MAML2: variants seen among roughly 807,000 people sequenced by gnomAD.
The protein encoded by MAML2 is mastermind like transcriptional coactivator 2, also known as mastermind-like protein 2.
Under a neutral mutation model 96.1 loss-of-function variants are expected in MAML2, and 22 were observed. That is an observed-to-expected ratio of 0.23 (90% CI 0.16 to 0.33). The LOEUF (loss-of-function observed/expected upper bound fraction) is 0.33. MAML2 is among the 10% of genes least tolerant of loss of function. The pLI, the probability that MAML2 is intolerant of heterozygous loss-of-function variation, is 1.00. For missense variants in MAML2, 1,367 were observed against 1,392.4 expected, an observed-to-expected ratio of 0.98 and a Z score of 0.29; for synonymous variants, 561 against 521.3, an observed-to-expected ratio of 1.08 and a Z score of -1.04.
chr11:96,005,348 C>T (rs547335156), intron 2 of MAML2, among the ~76,000 whole-genome samples: 12 of 152,238 alleles, frequency 7.9e-5, no homozygotes, highest in Middle Eastern at 6.8e-3. Flanking sequence ...TCAGTCTTCC[C>T]TTATGACTTC....
chr11:96,201,833 G>A (rs1302954780), intron 1 of MAML2, among the ~76,000 whole-genome samples: 2 of 151,714 alleles, frequency 1.3e-5, no homozygotes, highest in African/African-American at 4.8e-5. Flanking sequence ...GCAGGAGAGT[G>A]GCGTGAACCT....
chr11:96,188,291 T>C (rs1038545769), intron 1 of MAML2, among the ~76,000 whole-genome samples: 6 of 152,244 alleles, frequency 3.9e-5, no homozygotes, highest in African/African-American at 9.6e-5. Flanking sequence ...CTATAACCTT[T>C]CTAATTTCAG....
chr11:96,102,170 G>T (rs570013034), intron 1 of MAML2, among the ~76,000 whole-genome samples: 143 of 152,282 alleles, frequency 9.4e-4, no homozygotes, highest in African/African-American at 3.3e-3. Flanking sequence ...CAGCTACTTG[G>T]GAGGCTGAGG....
intron 1 of MAML2, among the ~76,000 whole-genome samples, chr11:96,231,072 T>A (rs908228912): frequency 5.9e-5 from 9 of 152,190 alleles, no homozygotes; most frequent in Admixed American, 3.9e-4. Flanking sequence ...GAGAAAGAGG[T>A]CAAGATTTGA....
At chr11:96,285,141 T>C (rs1863121304) in intron 1 of MAML2, among the ~76,000 whole-genome samples, 1 of 152,152 alleles carries the variant, frequency 6.6e-6, no homozygotes, top group Non-Finnish European at 1.5e-5. Context: ...AACCAACATT[T>C]TGACATGACT....
At chr11:96,081,567 G>A (rs1859530012) in intron 2 of MAML2, among the ~76,000 whole-genome samples, 1 of 152,032 alleles carries the variant, frequency 6.6e-6, no homozygotes, top group African/African-American at 2.4e-5. Context: ...TAGTTGCTTG[G>A]AAACTCAGAG....
chr11:96,169,733 CA>C (rs1861252544), intron 1 of MAML2, among the ~76,000 whole-genome samples: 1 of 150,048 alleles, frequency 6.7e-6, no homozygotes, highest in African/African-American at 2.5e-5. Flanking sequence ...CAGCTCACTG[CA>C]ACCTCTACCT....
rs539605740 is a variant in MAML2, at chr11:96,019,187, T to A, written c.2140-27464A>T. Among the ~76,000 whole-genome samples, 6 of 152,276 alleles carry A rather than the reference T, an allele frequency of 3.9e-5. No individual in the cohort carries two copies. In the South Asian group the frequency reaches 1.2e-3, roughly 32 times the overall value. On this transcript the variant is annotated intron_variant, in intron 2 of 4. Transcript: ENST00000524717. ...AATAGTTTAAATAAAAAATGGCAAA[T>A]GCCTTAATGTAAATTCTTCCCCTTA...
intron 2 of MAML2, among the ~76,000 whole-genome samples, chr11:96,047,062 C>T (rs182037857): frequency 9.9e-5 from 15 of 152,180 alleles, no homozygotes; most frequent in Admixed American, 5.9e-4. Context: ...CAAAATTTTG[C>T]CTTTGGTACC....
At chr11:96,040,552 A>G (rs1858791036) in intron 2 of MAML2, among the ~76,000 whole-genome samples, 1 of 152,190 alleles carries the variant, frequency 6.6e-6, no homozygotes, top group Non-Finnish European at 1.5e-5. Flanking sequence ...GGATCACCTG[A>G]GGTCAGGAGT....
intron 2 of MAML2, among the ~76,000 whole-genome samples, chr11:96,019,119 T>C (rs1204570705): frequency 6.6e-6 from 1 of 152,114 alleles, no homozygotes; most frequent in Non-Finnish European, 1.5e-5. Flanking sequence ...TTTGTTTATT[T>C]TGTTTGTTTC....
rs1864001533 is a variant in MAML2 at position 96,341,883 on chromosome 11, C to T, written c.13G>A (p.Ala5Thr). 4 of 1,530,252 alleles carry T rather than the reference C, an allele frequency of 2.6e-6. No individual in the cohort carries two copies. Among genetic ancestry groups the T allele is most frequent in the Non-Finnish European group, 3.5e-6 (4 of 1,142,200 alleles). 94.8% of individuals were successfully genotyped at this position (1,530,252 alleles called of 1,614,324 possible). A position where few individuals can be genotyped will look rare whatever the true frequency, so the allele number is the denominator to read the frequency against. ...CCTCCTGCGGGGGCCTGCGGGGGCGCTGTGTCCCCCATCTTACCGGACACA... is the reference window on the plus strand; with the variant it reads ...CCTCCTGCGGGGGCCTGCGGGGGCGTTGTGTCCCCCATCTTACCGGACACA... MGDTAPPQAPAGGLG... is the reference protein window; with the variant it reads MGDTTPPQAPAGGLG... The change falls in exon 1 of 5, where the codon GCG becomes ACG. Residue 5 changes from alanine (A) to threonine (T), a missense_variant. Transcript: ENST00000524717.
At position 96,136,716 on chromosome 11, in the gene MAML2, A is replaced by T. The variant is rs116121429; in HGVS notation, c.514-43199T>A. ...TGACACAGTTCATTTTCTCCTCAATAATAAAGAAATTTCAAAATGCATGAA... is the reference window on the plus strand; with the variant it reads ...TGACACAGTTCATTTTCTCCTCAATTATAAAGAAATTTCAAAATGCATGAA... On this transcript the variant is annotated intron_variant, in intron 1 of 4. Coordinates refer to ENST00000524717, the MANE Select transcript of MAML2 (RefSeq NM_032427.4). 3.9e-3 allele frequency among the ~76,000 whole-genome samples: 593 copies of T among 152,316 alleles called. 2 individuals are homozygous for T. Among genetic ancestry groups the T allele is most frequent in the African/African-American group, 0.014 (570 of 41,576 alleles).
chr11:96,291,318 G>A (rs1269699905), intron 1 of MAML2, among the ~76,000 whole-genome samples: 4 of 151,798 alleles, frequency 2.6e-5, no homozygotes, highest in Non-Finnish European at 4.4e-5. Flanking sequence ...TAGAAACAGG[G>A]TTACACCACG....
intron 1 of MAML2, among the ~76,000 whole-genome samples, chr11:96,163,930 T>G (rs1861152976): frequency 6.7e-6 from 1 of 150,226 alleles, no homozygotes; most frequent in African/African-American, 2.5e-5. Context: ...TGGTGTGATC[T>G]CGGCTCACTG....
intron 1 of MAML2, among the ~76,000 whole-genome samples, chr11:96,238,088 A>C (rs1862389059): frequency 6.6e-6 from 1 of 152,226 alleles, no homozygotes; most frequent in South Asian, 2.1e-4. Context: ...CTGGTGTTCT[A>C]AAGAGAATTA....
Position 96,093,144 on chromosome 11 carries a change from T to A in MAML2, c.887A>T (p.Asp296Val), listed in dbSNP as rs781134375. The change falls in exon 2 of 5, where the codon GAC becomes GTC. Residue 296 changes from aspartate to valine, a missense_variant. Asp to Val is a radical substitution (Grantham distance 152). Transcript: ENST00000524717. ...ENIFPNRYGD[D>V]PGEQLMDPEL... ...AGGATCCATCAGTTGTTCTCCAGGG[T>A]CGTCTCCGTACCTATTAGGAAAAAT... 41 of 1,613,882 alleles carry A rather than the reference T, an allele frequency of 2.5e-5. No individual in the cohort carries two copies. The highest frequency in any genetic ancestry group is 3.4e-5 in the Non-Finnish European group (40 of 1,179,894).
At chr11:96,330,666 T>C (rs1376131261) in intron 1 of MAML2, among the ~76,000 whole-genome samples, 1 of 152,258 alleles carries the variant, frequency 6.6e-6, no homozygotes, top group African/African-American at 2.4e-5. Context: ...GGGTCCAAGA[T>C]GGCCTCACTT....
chr11:96,171,430 C>T (rs115592282), intron 1 of MAML2, among the ~76,000 whole-genome samples: 50 of 152,198 alleles, frequency 3.3e-4, no homozygotes, highest in African/African-American at 1.0e-3. Flanking sequence ...TTCATTTTTC[C>T]GACCTTCCCA....
Sources: allele counts gnomAD v4.1 joint callset (sites outside exome capture counted in the v4.1 genomes callset), GRCh38; gene constraint gnomAD v4.1.1; transcripts MANE v1.5; gene names NCBI Gene and HGNC (gene_info 2026-07-23, HGNC 2026-07-21).